The following SCYL2 variants were observed in gnomAD, a reference collection of about 807,000 sequenced individuals.
SCYL2 encodes the protein SCY1 like pseudokinase 2.
In SCYL2, 36 loss-of-function variants were observed where a neutral mutation model predicts 100.4. That is an observed-to-expected ratio of 0.36 (90% CI 0.27 to 0.47). The LOEUF is 0.47. SCYL2 is among the 20% of genes least tolerant of loss of function. The pLI, the probability that SCYL2 is intolerant of heterozygous loss-of-function variation, is 1.00. For synonymous variants in SCYL2, 330 were observed against 359.2 expected, an observed-to-expected ratio of 0.92 and a Z score of 0.92; for missense variants, 902 against 1,083.9, an observed-to-expected ratio of 0.83 and a Z score of 2.36.
rs752015826 is a variant in SCYL2, at chr12:100,313,533, A to G, written c.964A>G (p.Thr322Ala). 1 of 1,548,244 alleles carries G rather than the reference A, an allele frequency of 6.5e-7. No individual in the cohort carries two copies. The highest frequency in any genetic ancestry group is 1.7e-5 in the Admixed American group (1 of 59,454). Residue 322 changes from threonine (T) to alanine (A), a missense_variant, in exon 7 of 18, where the codon ACA (threonine) becomes GCA (alanine). By Grantham distance (58) the Thr-to-Ala change is moderately conservative. Coordinates refer to ENST00000360820, the MANE Select transcript of SCYL2 (RefSeq NM_017988.6). ...PTVRPDADQMTKIPFFDDVGA... is the reference protein window; with the variant it reads ...PTVRPDADQMAKIPFFDDVGA... ...TGTAAGACCAGATGCAGATCAAATG[A>G]CAAAGGTGAGTACATGTGGATTTCT... is the stretch of plus-strand genomic sequence containing the variant.
intron 2 of SCYL2, among the ~76,000 whole-genome samples, chr12:100,288,211 A>C (rs2096306498): frequency 6.6e-6 from 1 of 152,200 alleles, no homozygotes; most frequent in Non-Finnish European, 1.5e-5. Context: ...CAAAGAGAAA[A>C]TATTTTTAAG....
intron 9 of SCYL2, 174 bp from the exon 10 acceptor site, chr12:100,317,629 T>C: frequency 7.2e-7 from 1 of 1,388,086 alleles, no homozygotes; most frequent in South Asian, 1.8e-5. Flanking sequence ...ATATTGTGCC[T>C]CCAGAAATGT....
intron 13 of SCYL2, among the ~76,000 whole-genome samples, chr12:100,331,256 CT>C (rs1952205771): frequency 6.6e-6 from 1 of 152,136 alleles, no homozygotes; most frequent in Non-Finnish European, 1.5e-5. Flanking sequence ...CAGCCTTCAG[CT>C]TTTTGTCATT....
At chr12:100,325,281 A>G (rs2096360458) in intron 11 of SCYL2, among the ~76,000 whole-genome samples, 1 of 152,188 alleles carries the variant, frequency 6.6e-6, no homozygotes, top group South Asian at 2.1e-4. Flanking sequence ...AGGGGTATGT[A>G]GAAATGGGAA....
At position 100,267,360 on chromosome 12, in the gene SCYL2, A is replaced by G. The variant is rs1325686239; in HGVS notation, c.-461A>G. The stretch of plus-strand genomic sequence containing the variant: ...GCGTTTATTAGGGGGGCGGGGGGAA[A>G]GAGCCCCAGCACCGCCCCTCCTGGA... On this transcript the variant is annotated 5_prime_UTR_variant, in exon 1 of 18. Transcript: ENST00000360820. 9.2e-6 allele frequency: 3 copies of G among 326,316 alleles called. No homozygotes were observed. The highest frequency in any genetic ancestry group is 1.0e-4 in the Admixed American group (2 of 20,058). 20.2% of individuals were successfully genotyped at this position (326,316 alleles called of 1,614,324 possible). A position where few individuals can be genotyped will look rare whatever the true frequency, so the allele number is the denominator to read the frequency against.
chr12:100,341,628 T>G lies in SCYL2; in HGVS notation c.*2456T>G, dbSNP rs879267863. 4.6e-5 allele frequency: 7 copies of G among 152,230 alleles called. No individual in the cohort carries two copies. The highest frequency in any genetic ancestry group is 1.0e-4 in the Non-Finnish European group (7 of 68,030). 9.4% of individuals were successfully genotyped at this position (152,230 alleles called of 1,614,324 possible). On this transcript the variant is annotated 3_prime_UTR_variant, in exon 18 of 18. Coordinates refer to ENST00000360820, the MANE Select transcript of SCYL2 (RefSeq NM_017988.6). ...TGACCTGTAAAATACCTCACATGGT[T>G]GTTTTTACACATGAAAGAAAAAGGT...
chr12:100,299,069 C>CA (rs1566354524), intron 4 of SCYL2, among the ~76,000 whole-genome samples: 1 of 151,872 alleles, frequency 6.6e-6, no homozygotes, highest in South Asian at 2.1e-4. Flanking sequence ...CTTGTTTCTA[C>CA]AAAAAAATTT....
chr12:100,307,512 TA>T (rs1489656675), intron 4 of SCYL2, among the ~76,000 whole-genome samples: 2 of 152,262 alleles, frequency 1.3e-5, no homozygotes, highest in African/African-American at 4.8e-5. Flanking sequence ...ATTAAAGACT[TA>T]AACATAAGAC....
chr12:100,327,795 G>T (rs573143576), intron 12 of SCYL2, among the ~76,000 whole-genome samples: 1 of 152,038 alleles, frequency 6.6e-6, no homozygotes, highest in Admixed American at 6.6e-5. Flanking sequence ...ATTACCGCCT[G>T]GTTCTTTGTT....
chr12:100,310,185 G>C (rs183681660), intron 4 of SCYL2, among the ~76,000 whole-genome samples: 1 of 152,074 alleles, frequency 6.6e-6, no homozygotes, highest in Admixed American at 6.6e-5. Flanking sequence ...TTTTAGTATT[G>C]ACGGGGTTTC....
At chr12:100,271,786 G>A (rs2096287949) in intron 1 of SCYL2, among the ~76,000 whole-genome samples, 1 of 152,172 alleles carries the variant, frequency 6.6e-6, no homozygotes, top group Admixed American at 6.5e-5. Flanking sequence ...TTGTAAGCTT[G>A]GGAAGCTGGG....
rs1952323781 is a variant in SCYL2, at chr12:100,339,297, A to G, written c.*125A>G. 2 of 923,450 alleles carry G rather than the reference A, an allele frequency of 2.2e-6. No individual in the cohort carries two copies. The highest frequency in any genetic ancestry group is 3.2e-6 in the Non-Finnish European group (2 of 620,582). 57.2% of individuals were successfully genotyped at this position (923,450 alleles called of 1,614,324 possible). ...AAAGTGAACAGTTCTGTGACAGGAA[A>G]CATCTCTGTCCATGCCAGCATAGTA... On this transcript the variant is annotated 3_prime_UTR_variant, in exon 18 of 18. Coordinates refer to ENST00000360820, the MANE Select transcript of SCYL2 (RefSeq NM_017988.6).
intron 4 of SCYL2, among the ~76,000 whole-genome samples, chr12:100,299,882 G>C (rs569360238): frequency 6.6e-6 from 1 of 152,310 alleles, no homozygotes; most frequent in East Asian, 1.9e-4. Context: ...GTACTTGGGA[G>C]AGGAATGGCT....
chr12:100,306,360 A>G (rs1195131451), intron 4 of SCYL2, among the ~76,000 whole-genome samples: 1 of 152,254 alleles, frequency 6.6e-6, no homozygotes, highest in Non-Finnish European at 1.5e-5. Context: ...TATGCAAATC[A>G]TTAAATGTCA....
intron 12 of SCYL2, among the ~76,000 whole-genome samples, 195 bp downstream of exon 12, chr12:100,326,949 ATAT>A (rs1952138355): frequency 2.0e-5 from 3 of 152,184 alleles, no homozygotes; most frequent in Admixed American, 1.3e-4. Flanking sequence ...AAGGAATAAG[ATAT>A]TTAAGAATTC....
intron 2 of SCYL2, among the ~76,000 whole-genome samples, chr12:100,288,806 C>A (rs2096307275): frequency 6.7e-6 from 1 of 149,592 alleles, no homozygotes; most frequent in African/African-American, 2.5e-5. Flanking sequence ...CACTGCACTC[C>A]AGCCTGGGTA....
chr12:100,270,798 T>C (rs923140602), intron 1 of SCYL2, among the ~76,000 whole-genome samples: 1 of 152,076 alleles, frequency 6.6e-6, no homozygotes, highest in Non-Finnish European at 1.5e-5. Flanking sequence ...TTAAATCTTA[T>C]TGTACAGTGG....
chr12:100,304,068 C>T (rs1000137175), intron 4 of SCYL2, among the ~76,000 whole-genome samples: 1 of 152,288 alleles, frequency 6.6e-6, no homozygotes. Flanking sequence ...AGGGGAAAAC[C>T]ACCTACTGAA....
intron 4 of SCYL2, among the ~76,000 whole-genome samples, chr12:100,310,781 C>T (rs1367959211): frequency 6.6e-6 from 1 of 152,108 alleles, no homozygotes; most frequent in African/African-American, 2.4e-5. Flanking sequence ...TTTATCTTTT[C>T]TTCTGTTTAT....
Sources: gnomAD v4.1 joint callset for allele counts (sites outside exome capture counted in the v4.1 genomes callset) on GRCh38, gnomAD v4.1.1 for gene constraint, MANE v1.5 for transcripts, NCBI Gene and HGNC (gene_info 2026-07-23, HGNC 2026-07-21) for gene names.